The following ARMC3 variants were observed in gnomAD, a reference collection of about 807,000 sequenced individuals.
ARMC3 encodes the protein armadillo repeat-containing protein 3.
A neutral mutation model predicts 90.3 loss-of-function variants in ARMC3; 74 were observed. The observed-to-expected ratio is 0.82, with a 90% CI of 0.68 to 0.99. ARMC3 has a LOEUF of 0.99. Among genes scored for constraint, ARMC3 ranks in the 50% least tolerant of loss-of-function variants. ARMC3 has a pLI of 0.00. For synonymous variants in ARMC3, 334 were observed against 361.8 expected (o/e 0.92, Z 0.87); for missense variants, 958 against 1,042.8 (o/e 0.92, Z 1.12).
chr10:22,981,286 C>A, intron 8 of ARMC3, 54 bp from the exon 9 acceptor site: 1 of 1,478,338 alleles, frequency 6.8e-7, no homozygotes, highest in Non-Finnish European at 9.1e-7. Flanking sequence ...AGTAGTAATA[C>A]TTCGCAGTTT....
At chr10:22,960,559 T>G (rs1651610379) in intron 6 of ARMC3, 1 of 152,194 alleles carries the variant, frequency 6.6e-6, no homozygotes, top group Non-Finnish European at 1.5e-5. Flanking sequence ...CTTTACCTCA[T>G]TTGATTAAAT....
At chr10:22,987,948 G>T (rs983523400) in intron 10 of ARMC3, among the ~76,000 whole-genome samples, 1 of 152,146 alleles carries the variant, frequency 6.6e-6, no homozygotes, top group Admixed American at 6.5e-5. Flanking sequence ...CCCAGAAACT[G>T]TCTTGCTGTT....
chr10:22,965,138 G>C (rs1835392365), intron 7 of ARMC3, among the ~76,000 whole-genome samples: 1 of 152,106 alleles, frequency 6.6e-6, no homozygotes, highest in African/African-American at 2.4e-5. Flanking sequence ...ACTCACATAT[G>C]TATGATTTCT....
rs568218729 is a variant in ARMC3 at position 23,015,502 on chromosome 10, CCAGTTTTCATGA to C, written c.2045+6572_2045+6583del. On this transcript the variant is annotated intron_variant, in intron 16 of 18. Transcript: ENST00000298032. ...TCTACACTGTTCTTTTGTATTCAGA[CCAGTTTTCATGA>C]ACGTTCACTTGACTGAACATGAGTT... is the stretch of plus-strand genomic sequence containing the variant. 3.3e-5 allele frequency among the ~76,000 whole-genome samples: 5 copies of C among 152,264 alleles called. No individual in the cohort carries two copies. In the South Asian group the frequency reaches 8.3e-4, roughly 25 times the overall value.
chr10:22,950,843 T>C (rs1834713335), intron 3 of ARMC3, among the ~76,000 whole-genome samples: 1 of 151,806 alleles, frequency 6.6e-6, no homozygotes, highest in African/African-American at 2.4e-5. Flanking sequence ...AATATTAATA[T>C]TATAAAAGTA....
intron 7 of ARMC3, among the ~76,000 whole-genome samples, chr10:22,966,372 T>C (rs1835439448): frequency 6.6e-6 from 1 of 152,184 alleles, no homozygotes; most frequent in Non-Finnish European, 1.5e-5. Context: ...TTAATCAATC[T>C]CACCTAGCAC....
At chr10:23,027,843 C>A (rs1450159536) in intron 16 of ARMC3, among the ~76,000 whole-genome samples, 1 of 147,526 alleles carries the variant, frequency 6.8e-6, no homozygotes, top group African/African-American at 2.5e-5. Context: ...CTGTTTTTTT[C>A]AATCTTTTGT....
At chr10:22,962,162 G>A (rs1356585320) in intron 7 of ARMC3, 84 bp downstream of exon 7, 11 of 988,798 alleles carry the variant, frequency 1.1e-5, no homozygotes, top group East Asian at 8.8e-5. Context: ...TATACTTAAC[G>A]TGTATTAAGT....
chr10:22,951,721 C>T (rs1007382198), intron 3 of ARMC3, among the ~76,000 whole-genome samples: 2 of 152,104 alleles, frequency 1.3e-5, no homozygotes, highest in African/African-American at 4.8e-5. Context: ...AATTAAAACA[C>T]AGCAAAAGTG....
intron 16 of ARMC3, 34 bp downstream of exon 16, chr10:23,008,965 C>A (rs746561263): frequency 1.9e-6 from 3 of 1,572,556 alleles, no homozygotes; most frequent in Non-Finnish European, 2.6e-6. Flanking sequence ...CATTACCCAG[C>A]CAGGCTGGTG....
chr10:22,948,389 C>A (rs1426208530), intron 3 of ARMC3, among the ~76,000 whole-genome samples: 1 of 151,816 alleles, frequency 6.6e-6, no homozygotes, highest in African/African-American at 2.4e-5. Flanking sequence ...GCATGTATTT[C>A]ATATGAAATC....
intron 16 of ARMC3, among the ~76,000 whole-genome samples, chr10:23,028,504 A>G (rs1564405450): frequency 6.6e-6 from 1 of 152,140 alleles, no homozygotes; most frequent in Non-Finnish European, 1.5e-5. Context: ...TTCTTCACAT[A>G]ATGAGTAATT....
At chr10:22,992,072 A>T (rs897835852) in intron 10 of ARMC3, among the ~76,000 whole-genome samples, 1 of 152,202 alleles carries the variant, frequency 6.6e-6, no homozygotes, top group Non-Finnish European at 1.5e-5. Flanking sequence ...GTAGTTAATT[A>T]TGAGTAGGGC....
chr10:22,953,072 CAATCACAAAGGCCCTTATTGGTG>C (rs1186429157), intron 3 of ARMC3, among the ~76,000 whole-genome samples: 1 of 152,052 alleles, frequency 6.6e-6, no homozygotes, highest in African/African-American at 2.4e-5. Flanking sequence ...TGGGCCAACA[CAATCACAAAGGCCCTTATTGGTG>C]AAAAAAGAAG....
intron 5 of ARMC3, 39 bp downstream of exon 5, chr10:22,959,177 T>G (rs373096377): frequency 1.5e-4 from 236 of 1,541,428 alleles, no homozygotes; most frequent in Non-Finnish European, 2.0e-4. Flanking sequence ...AAAATGGAAC[T>G]GGTTTTTTAC....
At chr10:22,977,570 T>G (rs985310702) in intron 8 of ARMC3, among the ~76,000 whole-genome samples, 1 of 152,244 alleles carries the variant, frequency 6.6e-6, no homozygotes, top group African/African-American at 2.4e-5. Context: ...AACTTCCATT[T>G]TATAATTCAA....
chr10:22,932,180 T>C (rs1833958665), intron 2 of ARMC3, 136 bp downstream of exon 2: 1 of 576,598 alleles, frequency 1.7e-6, no homozygotes, highest in South Asian at 3.1e-5. Flanking sequence ...ATGATAAGAT[T>C]AGTCAGAGAA....
intron 2 of ARMC3, among the ~76,000 whole-genome samples, chr10:22,938,580 A>T (rs1283137369): frequency 6.6e-6 from 1 of 152,114 alleles, no homozygotes; most frequent in Non-Finnish European, 1.5e-5. Flanking sequence ...AGAAGATGAG[A>T]TGTGGCCAGA....
At chr10:22,976,771 C>G (rs1835942026) in intron 8 of ARMC3, among the ~76,000 whole-genome samples, 1 of 152,210 alleles carries the variant, frequency 6.6e-6, no homozygotes. Flanking sequence ...ATACTGCCCA[C>G]ACTCCACTTT....
Sources: allele counts gnomAD v4.1 joint callset (sites outside exome capture counted in the v4.1 genomes callset), GRCh38; gene constraint gnomAD v4.1.1; transcripts MANE v1.5; gene names NCBI Gene and HGNC (gene_info 2026-07-23, HGNC 2026-07-21).